The following DCUN1D5 variants were observed in gnomAD, a reference collection of about 807,000 sequenced individuals.
The protein encoded by DCUN1D5 is defective in cullin neddylation 1 domain containing 5.
A neutral mutation model predicts 38.3 loss-of-function variants in DCUN1D5; 10 were observed. That is an observed-to-expected ratio of 0.26 (90% confidence interval 0.16 to 0.44). The LOEUF (loss-of-function observed/expected upper bound fraction) is 0.44, where lower values mean the gene tolerates loss of function less well. Among genes scored for constraint, DCUN1D5 ranks in the 20% least tolerant of loss-of-function variants. DCUN1D5 has a pLI of 1.00. For missense variants in DCUN1D5, 148 were observed against 275.3 expected, an observed-to-expected ratio of 0.54 and a Z score of 3.27; for synonymous variants, 93 against 90.9, an observed-to-expected ratio of 1.02 and a Z score of -0.13.
chr11:103,052,633 T>G lies in DCUN1D5; in HGVS notation c.*9726A>C, dbSNP rs528512314. The G allele has an allele frequency of 6.6e-6, 1 of 152,314 alleles. No homozygotes were observed. Among genetic ancestry groups the G allele is most frequent in the East Asian group, 1.9e-4 (1 of 5,196 alleles). 9.4% of individuals were successfully genotyped at this position (152,314 alleles called of 1,614,324 possible). On this transcript the variant is annotated 3_prime_UTR_variant, in exon 8 of 8. Coordinates refer to ENST00000260247, the MANE Select transcript of DCUN1D5 (RefSeq NM_032299.4). ...TTCATTCTTGTATCTACTCCAAGTC[T>G]CTCTTGGTAGTTCTTACATATCATC...
At chr11:103,080,356 T>C (rs1362165016) in intron 4 of DCUN1D5, among the ~76,000 whole-genome samples, 1 of 152,220 alleles carries the variant, frequency 6.6e-6, no homozygotes, top group African/African-American at 2.4e-5. Flanking sequence ...CAACAAATAA[T>C]TTCTAAAGAC....
chr11:103,055,299 C>T lies in DCUN1D5; in HGVS notation c.*7060G>A, dbSNP rs935786357. 1.2e-4 allele frequency: 19 copies of T among 152,162 alleles called. No individual in the cohort carries two copies. The highest frequency in any genetic ancestry group is 4.6e-4 in the African/African-American group (19 of 41,544). 9.4% of individuals were successfully genotyped at this position (152,162 alleles called of 1,614,324 possible). On this transcript the variant is annotated 3_prime_UTR_variant, in exon 8 of 8. Coordinates refer to ENST00000260247, the MANE Select transcript of DCUN1D5 (RefSeq NM_032299.4). ...TTTCAAGTTAAGGATGTTCAACCTG[C>T]GCTGTTTGGCTATATTAATTCATGT...
In DCUN1D5 at chr11:103,051,956, T is replaced by C. The variant is rs2134583188; in HGVS notation, c.*10403A>G. The stretch of plus-strand genomic sequence containing the variant: ...CTGCTCTGAAAATCCACTTTGACTA[T>C]TTCAGTCCACAGAACTCACTCTCCT... On this transcript the variant is annotated 3_prime_UTR_variant, in exon 8 of 8. Transcript: ENST00000260247. 6.6e-6 allele frequency: 1 copy of C among 152,306 alleles called. No homozygotes were observed. Among genetic ancestry groups the C allele is most frequent in the Middle Eastern group, 3.4e-3 (1 of 294 alleles). 9.4% of individuals were successfully genotyped at this position (152,306 alleles called of 1,614,324 possible).
chr11:103,064,793 A>C lies in DCUN1D5; in HGVS notation c.556-416T>G, dbSNP rs928402738. On this transcript the variant is annotated intron_variant, in intron 6 of 7. Transcript: ENST00000260247. The surrounding 1 kb of genome is among the most constrained non-coding windows in gnomAD (Gnocchi z 4.5). ...TGGCATCTTTGGAAACAAGTGAAAGAGTATAGGCTTCGATTTAAATCCCAC... is the reference window on the plus strand; with the variant it reads ...TGGCATCTTTGGAAACAAGTGAAAGCGTATAGGCTTCGATTTAAATCCCAC... Among the ~76,000 whole-genome samples, 3 of 152,208 alleles carry C rather than the reference A, an allele frequency of 2.0e-5. No individual in the cohort carries two copies. The highest frequency in any genetic ancestry group is 4.8e-5 in the African/African-American group (2 of 41,460).
At position 103,083,286 on chromosome 11, in the gene DCUN1D5, A is replaced by G. The variant is rs931967255; in HGVS notation, c.219T>C (p.Phe73=). 1 of 1,604,438 alleles carries G rather than the reference A, an allele frequency of 6.2e-7. No homozygotes were observed. The highest frequency in any genetic ancestry group is 2.2e-5 in the East Asian group (1 of 44,688). Residue 73 remains phenylalanine (F), a synonymous_variant, in exon 3 of 8, where the codon TTT becomes TTC. Coordinates refer to ENST00000260247, the MANE Select transcript of DCUN1D5 (RefSeq NM_032299.4). This position sits in a 1 kb window ranked among gnomAD's most constrained non-coding sequence, Gnocchi z 4.4. ...EVVGPEGMEK[F]CEDIGVEPEN... Reference sequence around the variant, plus strand: ...CAGGTTCAACACCAATGTCTTCACAAAATTTTTCCATTCCTTCTGGCCCTA... The same window carrying G: ...CAGGTTCAACACCAATGTCTTCACAGAATTTTTCCATTCCTTCTGGCCCTA...
chr11:103,064,924 A>T lies in DCUN1D5; in HGVS notation c.556-547T>A, dbSNP rs1459901888. Among the ~76,000 whole-genome samples, 1 of 152,170 alleles carries T rather than the reference A, an allele frequency of 6.6e-6. No homozygotes were observed. Among genetic ancestry groups the T allele is most frequent in the Non-Finnish European group, 1.5e-5 (1 of 68,034 alleles). The stretch of plus-strand genomic sequence containing the variant: ...TTTAATTCAAAATGGTATTATAAAG[A>T]TTTTTAAAAATATATGCCAAACAAC... On this transcript the variant is annotated intron_variant, in intron 6 of 7. Transcript: ENST00000260247. This position sits in a 1 kb window ranked among gnomAD's most constrained non-coding sequence, Gnocchi z 4.5.
At chr11:103,075,247 C>T (rs140139743) in intron 4 of DCUN1D5, among the ~76,000 whole-genome samples, 37 of 152,308 alleles carry the variant, frequency 2.4e-4, no homozygotes, top group African/African-American at 7.9e-4. Flanking sequence ...TGTCAACAAC[C>T]AGACCCTAGG....
chr11:103,083,363 A>G lies in DCUN1D5; in HGVS notation c.179-37T>C, dbSNP rs755380228. Reference sequence around the variant, plus strand: ...AAAATAATTAACATATTTTGTTATAATATCAACATAAAACATAAATCGTCA... The same window carrying G: ...AAAATAATTAACATATTTTGTTATAGTATCAACATAAAACATAAATCGTCA... On this transcript the variant is annotated intron_variant, in intron 2 of 7. Transcript: ENST00000260247. The surrounding 1 kb of genome is among the most constrained non-coding windows in gnomAD (Gnocchi z 4.4). 16 of 1,149,572 alleles carry G rather than the reference A, an allele frequency of 1.4e-5. No homozygotes were observed. The highest frequency in any genetic ancestry group is 2.5e-5 in the South Asian group (2 of 78,932). The allele number at this position is 1,149,572 out of a possible 1,614,324, so 71.2% of individuals were successfully genotyped here.
rs1376016897 is a variant in DCUN1D5 at position 103,059,317 on chromosome 11, C to G, written c.*3042G>C. ...CCACATACCTTGTATGCCTTGAAAA[C>G]TCTGGAGTTATCTCAGAATTTACTC... On this transcript the variant is annotated 3_prime_UTR_variant, in exon 8 of 8. Transcript: ENST00000260247. Among the ~76,000 whole-genome samples, 2 of 152,108 alleles carry G rather than the reference C, an allele frequency of 1.3e-5. No individual in the cohort carries two copies. Among genetic ancestry groups the G allele is most frequent in the African/African-American group, 4.8e-5 (2 of 41,424 alleles).
intron 4 of DCUN1D5, among the ~76,000 whole-genome samples, chr11:103,067,759 T>C (rs1862169148): frequency 6.6e-6 from 1 of 152,352 alleles, no homozygotes; most frequent in Non-Finnish European, 1.5e-5. Context: ...GGTCATGTTA[T>C]CTGTTTTATA....
rs1591229673 is a variant in DCUN1D5, at chr11:103,087,360, G to A, written c.178+1867C>T. Among the ~76,000 whole-genome samples, 1 of 151,824 alleles carries A rather than the reference G, an allele frequency of 6.6e-6. No homozygotes were observed. Among genetic ancestry groups the A allele is most frequent in the East Asian group, 1.9e-4 (1 of 5,186 alleles). ...TAATTGTTTGTGTTTTTGGTAGAGA[G>A]AGTGTTTCACCATGTTAACCAGGAT... On this transcript the variant is annotated intron_variant, in intron 2 of 7. Transcript: ENST00000260247. This position sits in a 1 kb window ranked among gnomAD's most constrained non-coding sequence, Gnocchi z 4.1.
In DCUN1D5 at chr11:103,083,217, C is replaced by T; in HGVS notation, c.249+39G>A. 2 of 972,220 alleles carry T rather than the reference C, an allele frequency of 2.1e-6. No homozygotes were observed. The highest frequency in any genetic ancestry group is 2.4e-5 in the East Asian group (1 of 41,292). The allele number at this position is 972,220 out of a possible 1,614,324, so 60.2% of individuals were successfully genotyped here. A position where few individuals can be genotyped will look rare whatever the true frequency, so the allele number is the denominator to read the frequency against. Reference sequence around the variant, plus strand: ...TTTAGTAATTTACGAATATGCTATACCCCACTTATATGCCATTCTACTTAG... The same window carrying T: ...TTTAGTAATTTACGAATATGCTATATCCCACTTATATGCCATTCTACTTAG... On this transcript the variant is annotated intron_variant, in intron 3 of 7. Coordinates refer to ENST00000260247, the MANE Select transcript of DCUN1D5 (RefSeq NM_032299.4). This position sits in a 1 kb window ranked among gnomAD's most constrained non-coding sequence, Gnocchi z 4.4.
chr11:103,059,546 A>T lies in DCUN1D5; in HGVS notation c.*2813T>A, dbSNP rs1475923665. On this transcript the variant is annotated 3_prime_UTR_variant, in exon 8 of 8. Transcript: ENST00000260247. The stretch of plus-strand genomic sequence containing the variant: ...ATACATTATACACAAAAATGCTACT[A>T]CTGTCAAAAATGTATTATATCAATA... Among the ~76,000 whole-genome samples, 1 of 152,194 alleles carries T rather than the reference A, an allele frequency of 6.6e-6. No individual in the cohort carries two copies.
chr11:103,069,716 C>T (rs930905288), intron 4 of DCUN1D5, among the ~76,000 whole-genome samples: 2 of 152,194 alleles, frequency 1.3e-5, no homozygotes, highest in Non-Finnish European at 1.5e-5. Context: ...GAACTCTCAT[C>T]CCTGCCCAGC....
In DCUN1D5 at chr11:103,087,030, T is replaced by C. The variant is rs1463734326; in HGVS notation, c.178+2197A>G. On this transcript the variant is annotated intron_variant, in intron 2 of 7. Transcript: ENST00000260247. This position sits in a 1 kb window ranked among gnomAD's most constrained non-coding sequence, Gnocchi z 4.1. ...ATCTAAGTCTCAGTTTTCTCATCTA[T>C]AAAATGAGGGTATGGCCAAGCACAG... 6.6e-6 allele frequency among the ~76,000 whole-genome samples: 1 copy of C among 151,956 alleles called. No homozygotes were observed. Among genetic ancestry groups the C allele is most frequent in the Non-Finnish European group, 1.5e-5 (1 of 67,972 alleles).
rs1210803666 is a variant in DCUN1D5 at position 103,086,897 on chromosome 11, TA to T, written c.178+2329del. Reference sequence around the variant, plus strand: ...ATATATAAACATTATAAAATTTAAATAAAAAATACATAAAAGCATAGTAGTT... The same window carrying T: ...ATATATAAACATTATAAAATTTAAATAAAAATACATAAAAGCATAGTAGTT... On this transcript the variant is annotated intron_variant, in intron 2 of 7. Transcript: ENST00000260247. The surrounding 1 kb of genome is among the most constrained non-coding windows in gnomAD (Gnocchi z 4.1). 1.3e-5 allele frequency among the ~76,000 whole-genome samples: 2 copies of T among 151,506 alleles called. No homozygotes were observed. Among genetic ancestry groups the T allele is most frequent in the Non-Finnish European group, 1.5e-5 (1 of 67,872 alleles).
Position 103,059,919 on chromosome 11 carries a change from G to A in DCUN1D5, c.*2440C>T, listed in dbSNP as rs1019570138. Among the ~76,000 whole-genome samples the A allele has an allele frequency of 2.0e-5, 3 of 152,112 alleles. No homozygotes were observed. The highest frequency in any genetic ancestry group is 7.2e-5 in the African/African-American group (3 of 41,404). On this transcript the variant is annotated 3_prime_UTR_variant, in exon 8 of 8. Coordinates refer to ENST00000260247, the MANE Select transcript of DCUN1D5 (RefSeq NM_032299.4). ...AAGTAGTTCTGAAAATTTTACAACA[G>A]GGTTCGTGGGAAGGCACTTAAAGCT...
At position 103,091,400 on chromosome 11, in the gene DCUN1D5, T is replaced by C. The variant is rs1164257279; in HGVS notation, c.86+387A>G. On this transcript the variant is annotated intron_variant, in intron 1 of 7. Coordinates refer to ENST00000260247, the MANE Select transcript of DCUN1D5 (RefSeq NM_032299.4). This position sits in a 1 kb window ranked among gnomAD's most constrained non-coding sequence, Gnocchi z 4.3. ...TACAAAGAAATTCTAGAAGTGACCC[T>C]TCTGCGGATATGTACTCACTTCTAA... The C allele has an allele frequency of 5.1e-6, 1 of 196,690 alleles. No individual in the cohort carries two copies. The highest frequency in any genetic ancestry group is 1.1e-5 in the Non-Finnish European group (1 of 93,242). 12.2% of individuals were successfully genotyped at this position (196,690 alleles called of 1,614,324 possible). A position where few individuals can be genotyped will look rare whatever the true frequency, so the allele number is the denominator to read the frequency against.
intron 4 of DCUN1D5, among the ~76,000 whole-genome samples, chr11:103,075,502 C>A (rs1862386392): frequency 6.6e-6 from 1 of 152,170 alleles, no homozygotes; most frequent in Non-Finnish European, 1.5e-5. Context: ...CTGCCTCACC[C>A]TCCCGAGTAG....
Sources: allele counts gnomAD v4.1 joint callset (sites outside exome capture counted in the v4.1 genomes callset), GRCh38; gene constraint gnomAD v4.1.1; non-coding constraint Gnocchi (gnomAD v3.1); transcripts MANE v1.5; gene names NCBI Gene and HGNC (gene_info 2026-07-23, HGNC 2026-07-21).